Variants in ZNF529 observed in about 807,000 individuals in gnomAD.
ZNF529 encodes the protein zinc finger protein 529.
A neutral mutation model predicts 10.1 loss-of-function variants in ZNF529; 11 were observed. The ratio of observed to expected loss-of-function variants is 1.09; its 90% CI spans 0.69 to 1.81. The LOEUF (loss-of-function observed/expected upper bound fraction) is 1.81, where lower values mean the gene tolerates loss of function less well. Among genes scored for constraint, ZNF529 ranks in the 40% most tolerant of loss-of-function variants. ZNF529 has a pLI of 0.00. For synonymous variants in ZNF529, 204 were observed against 215.7 expected (o/e 0.95, Z 0.47); for missense variants, 624 against 666.8 (o/e 0.94, Z 0.71).
At chr19:36,590,281 A>G (rs935349004) in intron 1 of ZNF529, among the ~76,000 whole-genome samples, 3 of 152,148 alleles carry the variant, frequency 2.0e-5, no homozygotes, top group Non-Finnish European at 2.9e-5. Context: ...AGGCTGAGGC[A>G]GAAGGATCGC....
intron 1 of ZNF529, among the ~76,000 whole-genome samples, chr19:36,594,939 C>T (rs1022446515): frequency 6.6e-6 from 1 of 151,174 alleles, no homozygotes. Flanking sequence ...AGTGCAGTGG[C>T]ACAATATCGG....
chr19:36,593,170 A>G (rs2036764386), intron 1 of ZNF529, among the ~76,000 whole-genome samples: 1 of 152,104 alleles, frequency 6.6e-6, no homozygotes, highest in Non-Finnish European at 1.5e-5. Flanking sequence ...AAAATCCTAA[A>G]GAGTAGATTC....
intron 1 of ZNF529, among the ~76,000 whole-genome samples, chr19:36,596,918 A>C (rs1417145215): frequency 6.6e-6 from 1 of 152,006 alleles, no homozygotes; most frequent in African/African-American, 2.4e-5. Flanking sequence ...CTGTCACCCA[A>C]GCTGGAGTGC....
At chr19:36,549,970 T>G (rs895387683) in intron 4 of ZNF529, among the ~76,000 whole-genome samples, 1 of 152,136 alleles carries the variant, frequency 6.6e-6, no homozygotes, top group African/African-American at 2.4e-5. Context: ...AACAGAATCA[T>G]ATGAAGAAGG....
upstream of ZNF529, among the ~76,000 whole-genome samples, chr19:36,576,140 C>T (rs978189439): frequency 2.6e-5 from 4 of 152,196 alleles, no homozygotes; most frequent in East Asian, 5.9e-4. Flanking sequence ...AGCCACTGCA[C>T]CCGGCCTCAC....
chr19:36,550,726 T>C (rs550646214), intron 4 of ZNF529, among the ~76,000 whole-genome samples: 1 of 151,876 alleles, frequency 6.6e-6, no homozygotes, highest in South Asian at 2.1e-4. Flanking sequence ...AAAGTAAAAA[T>C]AACCAATGTA....
intron 1 of ZNF529, among the ~76,000 whole-genome samples, chr19:36,593,052 C>G (rs531795483): frequency 5.3e-5 from 8 of 152,296 alleles, no homozygotes; most frequent in South Asian, 2.1e-4. Context: ...CTATCTATGA[C>G]TACTAATGCA....
At chr19:36,591,749 T>C (rs2036722869) in intron 1 of ZNF529, among the ~76,000 whole-genome samples, 1 of 151,744 alleles carries the variant, frequency 6.6e-6, no homozygotes, top group Non-Finnish European at 1.5e-5. Context: ...AAATTTAATT[T>C]ATTACATCAA....
rs2035014320 is a variant in ZNF529, at chr19:36,546,223, C to T, written c.*643G>A. ...TATATACACTATATGTGTATATACA[C>T]TATATGTATATAGTGTGTGTGTGTG... On this transcript the variant is annotated 3_prime_UTR_variant, in exon 5 of 5. Transcript: ENST00000591340. 8.4e-6 allele frequency: 1 copy of T among 118,692 alleles called. No homozygotes were observed. The highest frequency in any genetic ancestry group is 3.6e-5 in the African/African-American group (1 of 27,732). 7.4% of individuals were successfully genotyped at this position (118,692 alleles called of 1,614,324 possible). A position where few individuals can be genotyped will look rare whatever the true frequency, so the allele number is the denominator to read the frequency against.
At chr19:36,581,888 C>A (rs561481457) in intron 2 of ZNF529, 5 of 152,250 alleles carry the variant, frequency 3.3e-5, no homozygotes, top group Non-Finnish European at 7.3e-5. Context: ...TATAGCAACA[C>A]AAAACAGACT....
intron 4 of ZNF529, among the ~76,000 whole-genome samples, chr19:36,550,901 A>C (rs1329319745): frequency 6.6e-6 from 1 of 152,192 alleles, no homozygotes; most frequent in Non-Finnish European, 1.5e-5. Flanking sequence ...CCCAAAAAGC[A>C]ACAATAGTTG....
chr19:36,570,360 C>CAAAAAAAAAAAAAAAAA (rs58429405), intron 2 of ZNF529, among the ~76,000 whole-genome samples: 1 of 70,564 alleles, frequency 1.4e-5, no homozygotes, highest in Admixed American at 1.5e-4. Context: ...GACCCTATCT[C>CAAAAAAAAAAAAAAAAA]AAAAAAAAAA....
At position 36,547,639 on chromosome 19, in the gene ZNF529, C is replaced by T. The variant is rs778160715; in HGVS notation, c.919G>A (p.Glu307Lys). The change falls in exon 5 of 5, where the codon GAG becomes AAG. Residue 307 changes from glutamate to lysine, a missense_variant. Coordinates refer to ENST00000591340, the MANE Select transcript of ZNF529 (RefSeq NM_020951.5). ...LTRHQKIHTD[E>K]KTYKCMECGK... ...CATTCCATACATTTGTAAGTTTTCT[C>T]ATCAGTATGGATTTTCTGATGTCGA... 45 of 1,613,620 alleles carry T rather than the reference C, an allele frequency of 2.8e-5. No individual in the cohort carries two copies. Among genetic ancestry groups the T allele is most frequent in the Non-Finnish European group, 3.6e-5 (43 of 1,179,772 alleles).
rs2035115174 is a variant in ZNF529 at position 36,548,025 on chromosome 19, T to C, written c.533A>G (p.Lys178Arg). 3 of 1,613,728 alleles carry C rather than the reference T, an allele frequency of 1.9e-6. No individual in the cohort carries two copies. Among genetic ancestry groups the C allele is most frequent in the Non-Finnish European group, 1.7e-6 (2 of 1,179,814 alleles). ...EKPYEYKEYE[K>R]VFSCDLEFDE... ...AAACTCTAAGTCACAACTGAAGACC[T>C]TCTCATATTCCTTGTATTCATAGGG... The change falls in exon 5 of 5, where the codon AAG (lysine) becomes AGG (arginine). Residue 178 changes from lysine to arginine, a missense_variant. Physicochemically the swap from Lys to Arg is conservative, Grantham distance 26. Transcript: ENST00000591340.
chr19:36,563,559 T>A (rs1270415245), intron 2 of ZNF529, among the ~76,000 whole-genome samples: 2 of 151,598 alleles, frequency 1.3e-5, no homozygotes, highest in African/African-American at 4.9e-5. Context: ...ACTAAAAGAA[T>A]AACATACCTA....
chr19:36,584,330 G>C (rs562686961), intron 2 of ZNF529, among the ~76,000 whole-genome samples: 17 of 152,134 alleles, frequency 1.1e-4, no homozygotes, highest in Admixed American at 7.9e-4. Context: ...TCAGCAAAAA[G>C]AAAAACCCAG....
intron 3 of ZNF529, among the ~76,000 whole-genome samples, chr19:36,555,843 A>C (rs971779345): frequency 1.3e-5 from 2 of 152,164 alleles, no homozygotes; most frequent in Non-Finnish European, 2.9e-5. Flanking sequence ...CTTTTTCCCT[A>C]TCCAAGAATA....
intron 2 of ZNF529, among the ~76,000 whole-genome samples, chr19:36,578,743 G>A (rs1157664162): frequency 1.3e-5 from 2 of 151,764 alleles, no homozygotes; most frequent in Non-Finnish European, 2.9e-5. Context: ...CTGGTAGCTG[G>A]GATTATGCCA....
At chr19:36,572,201 G>T in intron 2 of ZNF529, 132 bp downstream of exon 2, 1 of 914,362 alleles carries the variant, frequency 1.1e-6, no homozygotes, top group South Asian at 1.5e-5. Context: ...ATGCATATGT[G>T]AATATTCAAT....
Sources: gnomAD v4.1 joint callset for allele counts (sites outside exome capture counted in the v4.1 genomes callset) on GRCh38, gnomAD v4.1.1 for gene constraint, MANE v1.5 for transcripts, NCBI Gene and HGNC (gene_info 2026-07-23, HGNC 2026-07-21) for gene names.